IFFO2: variants seen among roughly 807,000 people sequenced by gnomAD.
IFFO2 encodes intermediate filament family orphan 2.
In IFFO2, 19 loss-of-function variants were observed where a neutral mutation model predicts 53.5. That is an observed-to-expected ratio of 0.36 (90% CI 0.25 to 0.52). The LOEUF (loss-of-function observed/expected upper bound fraction) is 0.52, where lower values mean the gene tolerates loss of function less well. Among genes scored for constraint, IFFO2 ranks in the 20% least tolerant of loss-of-function variants. IFFO2 has a pLI of 0.94. For synonymous variants in IFFO2, 303 were observed against 313.6 expected, an observed-to-expected ratio of 0.97 and a Z score of 0.36; for missense variants, 570 against 727.4, an observed-to-expected ratio of 0.78 and a Z score of 2.49.
chr1:18,952,596 C>T (rs1287266909), intron 1 of IFFO2, among the ~76,000 whole-genome samples: 6 of 152,160 alleles, frequency 3.9e-5, no homozygotes, highest in East Asian at 1.9e-4. Flanking sequence ...GTGAAAAAAG[C>T]CAAACACAAA....
intron 1 of IFFO2, among the ~76,000 whole-genome samples, chr1:18,925,006 CG>C (rs1356821543): frequency 6.6e-6 from 1 of 152,192 alleles, no homozygotes; most frequent in Non-Finnish European, 1.5e-5. Context: ...ACGGCTGACA[CG>C]GCCTGAATCA....
chr1:18,944,746 G>A (rs528161253), intron 1 of IFFO2, among the ~76,000 whole-genome samples: 3 of 152,292 alleles, frequency 2.0e-5, no homozygotes, highest in South Asian at 2.1e-4. Context: ...CCAGCAGTAA[G>A]AGCCACTCAC....
At position 18,955,803 on chromosome 1, in the gene IFFO2, G is replaced by A; in HGVS notation, c.530C>T (p.Thr177Ile). 6.5e-7 allele frequency: 1 copy of A among 1,532,278 alleles called. No homozygotes were observed. The highest frequency in any genetic ancestry group is 2.5e-5 in the East Asian group (1 of 39,524). The allele number at this position is 1,532,278 out of a possible 1,614,324, so 94.9% of individuals were successfully genotyped here. ...VRRTGGGGVE[T>I]VQGPGVSWVH... ...CCACGACACGCCGGGGCCCTGCACG[G>A]TCTCCACGCCGCCGCCGCCCGTGCG... Residue 177 changes from threonine (T) to isoleucine (I), a missense_variant, in exon 1 of 9, where the codon ACC (threonine) becomes ATC (isoleucine). Thr to Ile is a moderately conservative substitution (Grantham distance 89, BLOSUM62 -1). Transcript: ENST00000455833.
chr1:18,919,593 C>G lies in IFFO2; in HGVS notation c.822+85G>C, dbSNP rs1381028403. ...GCCAGGATTCTAACTAGAAGCCGAG[C>G]CCCGGAGCCTCGGAGGGAATGAAGC... is the stretch of plus-strand genomic sequence containing the variant. On this transcript the variant is annotated intron_variant, in intron 3 of 8. Transcript: ENST00000455833. This position sits in a 1 kb window ranked among gnomAD's most constrained non-coding sequence, Gnocchi z 4.9. 1 of 890,730 alleles carries G rather than the reference C, an allele frequency of 1.1e-6. No homozygotes were observed. Among genetic ancestry groups the G allele is most frequent in the African/African-American group, 1.7e-5 (1 of 60,360 alleles). 55.2% of individuals were successfully genotyped at this position (890,730 alleles called of 1,614,324 possible).
At position 18,918,040 on chromosome 1, in the gene IFFO2, G is replaced by C. The variant is rs761161450; in HGVS notation, c.963+322C>G. On this transcript the variant is annotated intron_variant, in intron 4 of 8. Transcript: ENST00000455833. This position sits in a 1 kb window ranked among gnomAD's most constrained non-coding sequence, Gnocchi z 5.2. ...GGAAGGGGCAGGAAGCGGGACAATG[G>C]GTACAGTGTGGGCTGGTGAACCAAG... Among the ~76,000 whole-genome samples the C allele has an allele frequency of 3.3e-5, 5 of 152,220 alleles. No individual in the cohort carries two copies. The highest frequency in any genetic ancestry group is 7.3e-5 in the Non-Finnish European group (5 of 68,042).
intron 1 of IFFO2, among the ~76,000 whole-genome samples, chr1:18,939,932 C>A (rs776723014): frequency 6.6e-6 from 1 of 152,194 alleles, no homozygotes; most frequent in Non-Finnish European, 1.5e-5. Context: ...GTGGTCCTAG[C>A]CCCAAGATGA....
intron 1 of IFFO2, among the ~76,000 whole-genome samples, chr1:18,942,920 C>T (rs1936538662): frequency 6.7e-6 from 1 of 150,230 alleles, no homozygotes; most frequent in Non-Finnish European, 1.5e-5. Context: ...CTCACTGCAA[C>T]CTCCACCTTG....
chr1:18,918,404 G>C lies in IFFO2; in HGVS notation c.921C>G (p.Val307=). 1.3e-6 allele frequency: 2 copies of C among 1,554,902 alleles called. No homozygotes were observed. The highest frequency in any genetic ancestry group is 8.7e-7 in the Non-Finnish European group (1 of 1,148,662). ...RIDITAKLCD[V]AQQRNSEDVS... ...CGTCTTCTGAGTTCCGCTGCTGTGC[G>C]ACATCGCACAGCTTGGCCGTGATAT... Residue 307 remains valine (V), a synonymous_variant, in exon 4 of 9, where the codon GTC becomes GTG. Transcript: ENST00000455833. This position sits in a 1 kb window ranked among gnomAD's most constrained non-coding sequence, Gnocchi z 5.2.
intron 2 of IFFO2, among the ~76,000 whole-genome samples, chr1:18,920,721 C>T (rs1936204471): frequency 6.6e-6 from 1 of 152,202 alleles, no homozygotes; most frequent in African/African-American, 2.4e-5. Context: ...GCTTACAAAC[C>T]ACCTAGTCCA....
At chr1:18,913,466 G>C (rs1569832097) in intron 5 of IFFO2, among the ~76,000 whole-genome samples, 1 of 152,278 alleles carries the variant, frequency 6.6e-6, no homozygotes, top group Non-Finnish European at 1.5e-5. Context: ...AGACGGGCAA[G>C]AGAAGGGACT....
intron 1 of IFFO2, among the ~76,000 whole-genome samples, chr1:18,937,156 G>C (rs748470826): frequency 6.6e-6 from 1 of 152,144 alleles, no homozygotes; most frequent in Non-Finnish European, 1.5e-5. Flanking sequence ...GAACATTCCA[G>C]AGCAATCTCC....
At chr1:18,935,232 T>C (rs555509567) in intron 1 of IFFO2, among the ~76,000 whole-genome samples, 1 of 152,316 alleles carries the variant, frequency 6.6e-6, no homozygotes, top group South Asian at 2.1e-4. Flanking sequence ...TCCTCACCAG[T>C]GGCCCTCTAC....
intron 1 of IFFO2, among the ~76,000 whole-genome samples, chr1:18,950,131 C>T (rs752032460): frequency 4.6e-5 from 7 of 152,116 alleles, no homozygotes; most frequent in African/African-American, 9.7e-5. Flanking sequence ...TGGGGGATGG[C>T]GAGAGATTTC....
At position 18,955,733 on chromosome 1, in the gene IFFO2, C is replaced by T. The variant is rs377415100; in HGVS notation, c.600G>A (p.Pro200=). The T allele has an allele frequency of 1.8e-5, 28 of 1,591,030 alleles. No homozygotes were observed. In the African/African-American group the frequency reaches 3.0e-4, roughly 17 times the overall value. The change falls in exon 1 of 9, where the codon CCG becomes CCA. Residue 200 remains proline (P), a synonymous_variant. Coordinates refer to ENST00000455833, the MANE Select transcript of IFFO2 (RefSeq NM_001136265.2). The part of the protein sequence containing the change: ...GVGVQIDTIT[P]EIRALYNVLA... Reference sequence around the variant, plus strand: ...GCACGTTGTAGAGCGCGCGGATCTCCGGCGTGATGGTGTCGATCTGCACGC... The same window carrying T: ...GCACGTTGTAGAGCGCGCGGATCTCTGGCGTGATGGTGTCGATCTGCACGC...
chr1:18,921,615 C>T (rs974939994), intron 1 of IFFO2, among the ~76,000 whole-genome samples: 25 of 152,202 alleles, frequency 1.6e-4, no homozygotes, highest in South Asian at 4.1e-4. Flanking sequence ...ATCTCTCCTA[C>T]GTAGGTGTTA....
rs1935985395 is a variant in IFFO2 at position 18,908,536 on chromosome 1, C to T, written c.*25G>A. On this transcript the variant is annotated 3_prime_UTR_variant, in exon 9 of 9. Coordinates refer to ENST00000455833, the MANE Select transcript of IFFO2 (RefSeq NM_001136265.2). ...GGTGGCAGGGCCCCATCACCAAGAC[C>T]ACCAGGCTCGCAGGGCCTCAGTCAT... 1 of 1,525,364 alleles carries T rather than the reference C, an allele frequency of 6.6e-7. No homozygotes were observed. Among genetic ancestry groups the T allele is most frequent in the Admixed American group, 2.0e-5 (1 of 50,958 alleles). The allele number at this position is 1,525,364 out of a possible 1,614,324, so 94.5% of individuals were successfully genotyped here. A position where few individuals can be genotyped will look rare whatever the true frequency, so the allele number is the denominator to read the frequency against.
Position 18,917,021 on chromosome 1 carries a change from GCT to G in IFFO2, c.983_984del (p.Glu328AlafsTer2). The G allele has an allele frequency of 6.4e-7, 1 of 1,552,256 alleles. No individual in the cohort carries two copies. Among genetic ancestry groups the G allele is most frequent in the Non-Finnish European group, 8.7e-7 (1 of 1,147,104 alleles). On this transcript the variant is annotated frameshift_variant, in exon 5 of 9. Coordinates refer to ENST00000455833, the MANE Select transcript of IFFO2 (RefSeq NM_001136265.2). LOFTEE classifies it high-confidence loss of function. The surrounding 1 kb of genome is among the most constrained non-coding windows in gnomAD (Gnocchi z 5.9). The stretch of plus-strand genomic sequence containing the variant: ...ATGTCATCATCGGAAGCCACCTTAC[GCT>G]CTTTCTTTTTGGGGACCACCTGAAC... The part of the protein sequence containing the change: ...KIFQVVPKKK[E>X]RKVASDDDIS...
intron 2 of IFFO2, 121 bp downstream of exon 2, chr1:18,920,940 A>C: frequency 2.6e-6 from 2 of 775,868 alleles, no homozygotes; most frequent in Non-Finnish European, 4.5e-6. Flanking sequence ...CTGAGGTGGT[A>C]GGAGGTAACA....
intron 1 of IFFO2, among the ~76,000 whole-genome samples, chr1:18,924,958 G>A (rs889776346): frequency 1.5e-4 from 23 of 152,306 alleles, no homozygotes; most frequent in Admixed American, 1.1e-3. Flanking sequence ...TTTACAAGTG[G>A]GAAAATGAAG....
Sources: gnomAD v4.1 joint callset for allele counts (sites outside exome capture counted in the v4.1 genomes callset) on GRCh38, gnomAD v4.1.1 for gene constraint, Gnocchi (gnomAD v3.1) non-coding constraint, MANE v1.5 for transcripts, NCBI Gene and HGNC (gene_info 2026-07-23, HGNC 2026-07-21) for gene names.